GNG2: variants seen among roughly 807,000 people sequenced by gnomAD.
GNG2 encodes the protein guanine nucleotide-binding protein G(I)/G(S)/G(O) subunit gamma-2.
GNG2 carries 5 observed loss-of-function variants against 5.5 expected under a neutral mutation model. The observed-to-expected ratio is 0.91, with a 90% CI of 0.48 to 1.92. The LOEUF is 1.92. Ranked by LOEUF, GNG2 falls within the 30% of genes most tolerant of loss-of-function variation. The probability of loss-of-function intolerance (pLI) is 0.01; values close to 1 mark genes in which losing one functional copy is unlikely to be tolerated. For missense variants in GNG2, 55 were observed against 88.4 expected, an observed-to-expected ratio of 0.62 and a Z score of 1.52; for synonymous variants, 28 against 32.0, an observed-to-expected ratio of 0.88 and a Z score of 0.42.
At chr14:51,930,149 G>GTT (rs1415572503) in intron 2 of GNG2, among the ~76,000 whole-genome samples, 1 of 152,184 alleles carries the variant, frequency 6.6e-6, no homozygotes, top group African/African-American at 2.4e-5. Context: ...TCCTTTGTGT[G>GTT]TGCTGCTTTT....
rs550537653 is a variant in GNG2 at position 51,945,578 on chromosome 14, A to G, written c.-29-5072A>G. Among the ~76,000 whole-genome samples the G allele has an allele frequency of 4.6e-4, 70 of 152,320 alleles. 1 individual carries two copies. In the South Asian group the frequency reaches 0.014, roughly 31 times the overall value. Reference sequence around the variant, plus strand: ...ATGGGTATAGAGTTTCAGTTTTGCAAGGTAAAAAGAGTTCTGGAGATGGAT... The same window carrying G: ...ATGGGTATAGAGTTTCAGTTTTGCAGGGTAAAAAGAGTTCTGGAGATGGAT... On this transcript the variant is annotated intron_variant, in intron 2 of 3. Coordinates refer to ENST00000556766, the MANE Select transcript of GNG2 (RefSeq NM_053064.5).
chr14:51,896,426 G>A (rs1885196950), intron 2 of GNG2, among the ~76,000 whole-genome samples: 1 of 152,178 alleles, frequency 6.6e-6, no homozygotes, highest in African/African-American at 2.4e-5. Context: ...AATTGAATAG[G>A]TGTCTTTCTG....
At chr14:51,869,650 A>G (rs1024322502) in intron 1 of GNG2, among the ~76,000 whole-genome samples, 1 of 152,102 alleles carries the variant, frequency 6.6e-6, no homozygotes, top group Non-Finnish European at 1.5e-5. Flanking sequence ...AGTAGCTGGG[A>G]CCACAAGTGT....
intron 2 of GNG2, among the ~76,000 whole-genome samples, chr14:51,930,882 CTTTT>C (rs1232009818): frequency 6.6e-6 from 1 of 152,174 alleles, no homozygotes; most frequent in Non-Finnish European, 1.5e-5. Context: ...GCCCCACACT[CTTTT>C]AAACAACCAG....
rs145346491 is a variant in GNG2 at position 51,854,657 on chromosome 14, T to C, written c.64+26850T>C. Among the ~76,000 whole-genome samples, 1,331 of 151,854 alleles carry C rather than the reference T, an allele frequency of 8.8e-3. 23 individuals carry two copies. Among genetic ancestry groups the C allele is most frequent in the African/African-American group, 0.031 (1,267 of 41,376 alleles). ...CCCCCCGAGTAGCTGGGATTACAGG[T>C]ACCCGCCACCACGCCTGGCTAATTT... is the stretch of plus-strand genomic sequence containing the variant. On this transcript the variant is annotated intron_variant, in intron 2 of 3. Transcript: ENST00000553432.
intron 1 of GNG2, 109 bp downstream of exon 1, chr14:51,860,899 T>C (rs898290760): frequency 1.3e-5 from 2 of 152,254 alleles, no homozygotes; most frequent in Non-Finnish European, 2.9e-5. Flanking sequence ...GCTTCAGGAC[T>C]AGGGGAAATG....
At chr14:51,873,152 A>AGG (rs1160536023) in intron 1 of GNG2, among the ~76,000 whole-genome samples, 1 of 152,218 alleles carries the variant, frequency 6.6e-6, no homozygotes, top group Non-Finnish European at 1.5e-5. Flanking sequence ...TTAAGGAGAA[A>AGG]GGCATATTTG....
chr14:51,910,667 T>C (rs1886236679), intron 2 of GNG2, among the ~76,000 whole-genome samples: 1 of 152,210 alleles, frequency 6.6e-6, no homozygotes, highest in Non-Finnish European at 1.5e-5. Context: ...CTGAACAGCC[T>C]TGTCTGAGCC....
At chr14:51,919,629 C>G (rs188028838) in intron 2 of GNG2, among the ~76,000 whole-genome samples, 1 of 152,254 alleles carries the variant, frequency 6.6e-6, no homozygotes, top group Admixed American at 6.5e-5. Flanking sequence ...CTAGTGGGTT[C>G]CTGGACCCTG....
At chr14:51,966,234 A>AC (rs1566720374) in intron 3 of GNG2, among the ~76,000 whole-genome samples, 1 of 149,914 alleles carries the variant, frequency 6.7e-6, no homozygotes, top group African/African-American at 2.5e-5. Flanking sequence ...AAAAAAAAAA[A>AC]AAACAAATGA....
At chr14:51,879,567 A>G (rs1470942189) in intron 2 of GNG2, among the ~76,000 whole-genome samples, 1 of 152,194 alleles carries the variant, frequency 6.6e-6, no homozygotes, top group East Asian at 1.9e-4. Context: ...GGCTAAAAGC[A>G]AAATATCAAC....
chr14:51,946,154 C>T (rs1888630680), intron 2 of GNG2, among the ~76,000 whole-genome samples: 1 of 152,072 alleles, frequency 6.6e-6, no homozygotes, highest in Non-Finnish European at 1.5e-5. Context: ...GCAGAAGTCA[C>T]AACATGAGCA....
At chr14:51,856,591 C>T (rs1882172228), upstream of GNG2, among the ~76,000 whole-genome samples, 2 of 152,228 alleles carry the variant, frequency 1.3e-5, no homozygotes, top group Non-Finnish European at 2.9e-5. Flanking sequence ...CACCACTACA[C>T]CCGGCTTATT....
intron 2 of GNG2, among the ~76,000 whole-genome samples, chr14:51,854,564 CA>C (rs1882061834): frequency 6.6e-6 from 1 of 152,040 alleles, no homozygotes; most frequent in Non-Finnish European, 1.5e-5. Context: ...GGCTGGAGTG[CA>C]GTGGTGCTAT....
intron 2 of GNG2, chr14:51,827,829 T>G (rs760435895): frequency 1.5e-6 from 1 of 673,396 alleles, no homozygotes; most frequent in South Asian, 1.6e-5. Flanking sequence ...CAAATGGTGA[T>G]GGAAGGATAC....
intron 3 of GNG2, among the ~76,000 whole-genome samples, chr14:51,954,948 A>G (rs560978913): frequency 6.8e-4 from 103 of 152,336 alleles, no homozygotes; most frequent in Middle Eastern, 3.4e-3. Flanking sequence ...GAACTCCATT[A>G]TACAGACATA....
intron 2 of GNG2, among the ~76,000 whole-genome samples, chr14:51,888,476 G>T (rs1255491926): frequency 6.6e-6 from 1 of 151,988 alleles, no homozygotes; most frequent in Non-Finnish European, 1.5e-5. Context: ...ACACCACCAC[G>T]CCTGGCTAAT....
chr14:51,917,460 T>A (rs1037490034), intron 2 of GNG2: 3 of 455,582 alleles, frequency 6.6e-6, no homozygotes, highest in African/African-American at 6.0e-5. Flanking sequence ...CTCCAGGGAG[T>A]GAGTTGGAAC....
intron 2 of GNG2, among the ~76,000 whole-genome samples, chr14:51,880,742 C>T (rs1029178713): frequency 3.5e-4 from 53 of 151,932 alleles, no homozygotes; most frequent in African/African-American, 6.8e-4. Flanking sequence ...TGGGAGAATC[C>T]GGGGCAAATC....
Sources: gnomAD v4.1 joint callset for allele counts (sites outside exome capture counted in the v4.1 genomes callset) on GRCh38, gnomAD v4.1.1 for gene constraint, MANE v1.5 for transcripts, NCBI Gene and HGNC (gene_info 2026-07-23, HGNC 2026-07-21) for gene names.